The following PDLIM1 variants were observed in gnomAD, a reference collection of about 807,000 sequenced individuals.
The protein encoded by PDLIM1 is PDZ and LIM domain 1, also known as PDZ and LIM domain protein 1.
Under a neutral mutation model 35.2 loss-of-function variants are expected in PDLIM1, and 25 were observed. That is an observed-to-expected ratio of 0.71 (90% confidence interval 0.52 to 0.99). The LOEUF (loss-of-function observed/expected upper bound fraction) is 0.99, where lower values mean the gene tolerates loss of function less well. Among genes scored for constraint, PDLIM1 ranks in the 50% least tolerant of loss-of-function variants. The pLI, the probability that PDLIM1 is intolerant of heterozygous loss-of-function variation, is 0.00. For missense variants in PDLIM1, 363 were observed against 415.3 expected, an observed-to-expected ratio of 0.87 and a Z score of 1.09; for synonymous variants, 152 against 154.0, an observed-to-expected ratio of 0.99 and a Z score of 0.10.
intron 1 of PDLIM1, among the ~76,000 whole-genome samples, chr10:95,274,486 G>GT (rs1451005226): frequency 6.6e-6 from 1 of 151,548 alleles, no homozygotes; most frequent in African/African-American, 2.4e-5. Context: ...AAGAGATGGG[G>GT]TTTTTTCACC....
At chr10:95,264,999 CATGGCTTCTAGGTG>C (rs2035399994) in intron 3 of PDLIM1, among the ~76,000 whole-genome samples, 1 of 152,116 alleles carries the variant, frequency 6.6e-6, no homozygotes, top group Non-Finnish European at 1.5e-5. Flanking sequence ...CTGGACAACC[CATGGCTTCTAGGTG>C]ATGCATGCTC....
chr10:95,269,821 C>T (rs906319388), intron 2 of PDLIM1, among the ~76,000 whole-genome samples: 7 of 152,056 alleles, frequency 4.6e-5, no homozygotes, highest in African/African-American at 1.4e-4. Flanking sequence ...CTGCAACCTC[C>T]GCTTCCCAGG....
chr10:95,259,720 C>T (rs2035344919), intron 4 of PDLIM1, among the ~76,000 whole-genome samples: 1 of 152,210 alleles, frequency 6.6e-6, no homozygotes, highest in African/African-American at 2.4e-5. Context: ...CCAGGGTTAA[C>T]ATCATCCTTG....
intron 3 of PDLIM1, 120 bp downstream of exon 3, chr10:95,268,658 A>C (rs1157267460): frequency 2.8e-6 from 2 of 720,402 alleles, no homozygotes; most frequent in African/African-American, 1.7e-5. Context: ...ACCAGCAGAG[A>C]CAGTGAAGGG....
At chr10:95,260,505 A>C (rs2035350571) in intron 4 of PDLIM1, among the ~76,000 whole-genome samples, 1 of 152,068 alleles carries the variant, frequency 6.6e-6, no homozygotes, top group South Asian at 2.1e-4. Context: ...TGCTGAACTG[A>C]CCTAGAGGAA....
intron 5 of PDLIM1, among the ~76,000 whole-genome samples, chr10:95,240,171 T>A (rs946625793): frequency 1.3e-5 from 2 of 152,166 alleles, no homozygotes; most frequent in Non-Finnish European, 2.9e-5. Flanking sequence ...CATTCTATCA[T>A]GAAAATACAT....
At chr10:95,244,730 T>C (rs2035204526) in intron 5 of PDLIM1, among the ~76,000 whole-genome samples, 1 of 151,976 alleles carries the variant, frequency 6.6e-6, no homozygotes, top group Non-Finnish European at 1.5e-5. Context: ...AGAAACCCCA[T>C]CTCTATTAAA....
At chr10:95,271,002 C>T (rs577209133) in intron 2 of PDLIM1, among the ~76,000 whole-genome samples, 3 of 151,784 alleles carry the variant, frequency 2.0e-5, no homozygotes, top group East Asian at 3.9e-4. Flanking sequence ...TTGTCTGCCT[C>T]GGCCTCCCAA....
At chr10:95,266,087 A>C (rs1372840551) in intron 3 of PDLIM1, among the ~76,000 whole-genome samples, 3 of 151,722 alleles carry the variant, frequency 2.0e-5, no homozygotes, top group Non-Finnish European at 2.9e-5. Context: ...AATCCCAGCT[A>C]CTCAGAGGCT....
intron 5 of PDLIM1, among the ~76,000 whole-genome samples, chr10:95,246,158 G>T (rs1201561972): frequency 1.3e-5 from 2 of 152,136 alleles, no homozygotes; most frequent in African/African-American, 4.8e-5. Context: ...GCATCACAGG[G>T]ACCAGGAAAG....
In PDLIM1 at chr10:95,286,264, C is replaced by T. The variant is rs1050868088; in HGVS notation, c.96+4556G>A. Among the ~76,000 whole-genome samples the T allele has an allele frequency of 9.9e-5, 15 of 151,666 alleles. No individual in the cohort carries two copies. In the South Asian group the frequency reaches 1.2e-3, roughly 13 times the overall value. On this transcript the variant is annotated intron_variant, in intron 1 of 6. Coordinates refer to ENST00000329399, the MANE Select transcript of PDLIM1 (RefSeq NM_020992.4). ...CCCAGCTACTCAGGAGGCTGAGGCA[C>T]AAGAATCGCTTGAACCCAGGGGGTG...
intron 2 of PDLIM1, among the ~76,000 whole-genome samples, chr10:95,269,196 C>G (rs930856843): frequency 1.1e-4 from 16 of 152,356 alleles, no homozygotes; most frequent in African/African-American, 3.8e-4. Context: ...ATAGAATGGG[C>G]TTCTCCTCTA....
chr10:95,252,795 A>C (rs2035277482), intron 4 of PDLIM1, among the ~76,000 whole-genome samples: 1 of 152,226 alleles, frequency 6.6e-6, no homozygotes, highest in African/African-American at 2.4e-5. Context: ...GGAAAGAATC[A>C]GTGAACTGGA....
intron 4 of PDLIM1, among the ~76,000 whole-genome samples, chr10:95,254,609 TA>T (rs2035294867): frequency 6.6e-6 from 1 of 152,120 alleles, no homozygotes; most frequent in Admixed American, 6.6e-5. Flanking sequence ...TCAGAGAGGA[TA>T]CAGAAAAATT....
intron 1 of PDLIM1, among the ~76,000 whole-genome samples, chr10:95,284,356 T>G (rs112044546): frequency 6.6e-6 from 1 of 152,088 alleles, no homozygotes; most frequent in South Asian, 2.1e-4. Context: ...TCTATCTGTA[T>G]GCATTTTTTT....
At chr10:95,263,144 CAAAAA>C (rs11433635) in intron 4 of PDLIM1, among the ~76,000 whole-genome samples, 1 of 119,620 alleles carries the variant, frequency 8.4e-6, no homozygotes. Context: ...AAGCTTGTCT[CAAAAA>C]AAAAAAAAAA....
intron 5 of PDLIM1, 95 bp from the exon 6 acceptor site, chr10:95,238,780 C>T (rs1346703077): frequency 3.9e-6 from 3 of 777,280 alleles, no homozygotes; most frequent in East Asian, 5.1e-5. Context: ...TATGTTCAAG[C>T]AAGGCCATGG....
intron 1 of PDLIM1, among the ~76,000 whole-genome samples, chr10:95,287,279 T>C (rs180865399): frequency 6.6e-6 from 1 of 152,330 alleles, no homozygotes; most frequent in African/African-American, 2.4e-5. Context: ...TTTCATAATC[T>C]GACAGACAAA....
rs1458489962 is a variant in PDLIM1, at chr10:95,290,653, C to G, written c.96+167G>C. Among the ~76,000 whole-genome samples, 1 of 151,874 alleles carries G rather than the reference C, an allele frequency of 6.6e-6. No individual in the cohort carries two copies. Among genetic ancestry groups the G allele is most frequent in the Non-Finnish European group, 1.5e-5 (1 of 67,924 alleles). On this transcript the variant is annotated intron_variant, in intron 1 of 6. Transcript: ENST00000329399. The surrounding 1 kb of genome is among the most constrained non-coding windows in gnomAD (Gnocchi z 4.7). ...GAGCGCAGCCTCCGCGAAGGGGCGG[C>G]GGGGAGCGGCGGGGCCCGGGCGCGC...
Sources: gnomAD v4.1 joint callset for allele counts (sites outside exome capture counted in the v4.1 genomes callset) on GRCh38, gnomAD v4.1.1 for gene constraint, Gnocchi (gnomAD v3.1) non-coding constraint, MANE v1.5 for transcripts, NCBI Gene and HGNC (gene_info 2026-07-23, HGNC 2026-07-21) for gene names.